The following RBM6 variants were observed in gnomAD, a reference collection of about 807,000 sequenced individuals.
The protein encoded by RBM6 is RNA-binding protein 6.
Under a neutral mutation model 140.4 loss-of-function variants are expected in RBM6, and 23 were observed. The ratio of observed to expected loss-of-function variants is 0.16; its 90% CI spans 0.12 to 0.23. The LOEUF is 0.23. Among genes scored for constraint, RBM6 ranks in the 10% least tolerant of loss-of-function variants. The pLI is 1.00. For synonymous variants in RBM6, 439 were observed against 475.6 expected, an observed-to-expected ratio of 0.92 and a Z score of 1.00; for missense variants, 1,139 against 1,386.7, an observed-to-expected ratio of 0.82 and a Z score of 2.84.
chr3:50,070,736 A>G (rs938976135), intron 19 of RBM6, among the ~76,000 whole-genome samples, 184 bp downstream of exon 19: 4 of 152,222 alleles, frequency 2.6e-5, no homozygotes, highest in South Asian at 2.1e-4. Flanking sequence ...GGGAGTGTAC[A>G]TGGAAGGTTG....
chr3:49,987,499 G>T (rs2085617352), intron 5 of RBM6, among the ~76,000 whole-genome samples: 1 of 151,670 alleles, frequency 6.6e-6, no homozygotes, highest in Non-Finnish European at 1.5e-5. Context: ...TGTAATTTTA[G>T]TAGAGACAGG....
intron 6 of RBM6, among the ~76,000 whole-genome samples, chr3:50,036,454 A>AC (rs1347174504): frequency 4.0e-5 from 6 of 151,710 alleles, no homozygotes; most frequent in Non-Finnish European, 1.5e-5. Flanking sequence ...CTTCTCCCTA[A>AC]CTCCTGGATT....
Position 49,975,410 on chromosome 3 carries a change from C to T in RBM6, c.1483+18C>T, listed in dbSNP as rs2085020171. ...TAACACAGGTGAGTTTCTTGACTTG[C>T]ATATGGCCTTGGGTTAGGAAGGGTC... is the stretch of plus-strand genomic sequence containing the variant. On this transcript the variant is annotated intron_variant, in intron 5 of 20. Transcript: ENST00000266022. 2 of 1,592,386 alleles carry T rather than the reference C, an allele frequency of 1.3e-6. No individual in the cohort carries two copies. Among genetic ancestry groups the T allele is most frequent in the South Asian group, 1.1e-5 (1 of 90,564 alleles).
chr3:50,026,678 G>A (rs931543314), intron 6 of RBM6, among the ~76,000 whole-genome samples: 5 of 151,332 alleles, frequency 3.3e-5, no homozygotes, highest in African/African-American at 1.2e-4. Flanking sequence ...TTGGGAGGCC[G>A]AGGCAGGCAG....
At chr3:49,971,994 C>A in intron 3 of RBM6, 65 bp from the exon 4 acceptor site, 2 of 1,233,876 alleles carry the variant, frequency 1.6e-6, no homozygotes, top group Non-Finnish European at 2.3e-6. Flanking sequence ...GGCTAAATTT[C>A]ATGTTGATTT....
At chr3:50,054,960 A>T (rs2089641801) in intron 8 of RBM6, among the ~76,000 whole-genome samples, 1 of 152,058 alleles carries the variant, frequency 6.6e-6, no homozygotes, top group African/African-American at 2.4e-5. Flanking sequence ...AGTAGCTGGG[A>T]CTATAGGCGC....
At chr3:50,018,229 TG>T (rs2087272817) in intron 6 of RBM6, among the ~76,000 whole-genome samples, 1 of 152,206 alleles carries the variant, frequency 6.6e-6, no homozygotes, top group African/African-American at 2.4e-5. Context: ...TTATTGTCCG[TG>T]TAGTTTTGCC....
chr3:49,970,138 G>A (rs1187491734), intron 3 of RBM6, among the ~76,000 whole-genome samples: 1 of 151,952 alleles, frequency 6.6e-6, no homozygotes, highest in East Asian at 1.9e-4. Context: ...ATGAAGTTTA[G>A]GCATGTTACC....
intron 6 of RBM6, among the ~76,000 whole-genome samples, chr3:50,032,921 G>A (rs1240495361): frequency 1.3e-5 from 2 of 151,876 alleles, no homozygotes; most frequent in Non-Finnish European, 2.9e-5. Context: ...GGAGGCAGAG[G>A]TTGCAGTGAG....
chr3:49,959,824 A>G (rs1388798532), intron 1 of RBM6, among the ~76,000 whole-genome samples: 1 of 150,852 alleles, frequency 6.6e-6, no homozygotes, highest in African/African-American at 2.4e-5. Context: ...CACACGCCTC[A>G]GCCTCCCAAA....
At chr3:50,046,345 C>T (rs1351832394) in intron 6 of RBM6, among the ~76,000 whole-genome samples, 1 of 151,182 alleles carries the variant, frequency 6.6e-6, no homozygotes, top group Non-Finnish European at 1.5e-5. Flanking sequence ...TTTGGGAGGC[C>T]GAGGTGGGCG....
At chr3:50,048,125 A>T in intron 6 of RBM6, 120 bp from the exon 7 acceptor site, 1 of 1,478,042 alleles carries the variant, frequency 6.8e-7, no homozygotes, top group South Asian at 1.4e-5. Flanking sequence ...TCACCAGTGA[A>T]TTAAGCTCAC....
chr3:50,070,308 T>C (rs2090260110), intron 18 of RBM6, 147 bp from the exon 19 acceptor site: 1 of 596,122 alleles, frequency 1.7e-6, no homozygotes, highest in African/African-American at 1.9e-5. Flanking sequence ...TGAGCTGAGA[T>C]CACGCCAGTG....
intron 20 of RBM6, among the ~76,000 whole-genome samples, chr3:50,076,108 A>T (rs1353362985): frequency 6.6e-6 from 1 of 151,790 alleles, no homozygotes; most frequent in African/African-American, 2.4e-5. Flanking sequence ...AGCTGGGATT[A>T]CAGGTGCATA....
intron 1 of RBM6, among the ~76,000 whole-genome samples, chr3:49,960,266 G>T (rs773886235): frequency 6.6e-6 from 1 of 152,198 alleles, no homozygotes; most frequent in East Asian, 1.9e-4. Flanking sequence ...TGCTGGAGAG[G>T]GGGTAGGGCA....
intron 17 of RBM6, among the ~76,000 whole-genome samples, chr3:50,067,928 C>T (rs2090171911): frequency 6.6e-6 from 1 of 152,216 alleles, no homozygotes; most frequent in Non-Finnish European, 1.5e-5. Context: ...AGATAGGACT[C>T]TGAAAAGCTC....
intron 8 of RBM6, 133 bp from the exon 9 acceptor site, chr3:50,057,595 A>AG (rs2089758245): frequency 1.4e-5 from 7 of 487,126 alleles, no homozygotes; most frequent in Non-Finnish European, 1.9e-5. Context: ...CTCAAAAAAA[A>AG]AAAAAAAAAA....
intron 5 of RBM6, among the ~76,000 whole-genome samples, chr3:49,998,869 A>G (rs758572450): frequency 2.0e-5 from 3 of 152,092 alleles, no homozygotes; most frequent in Non-Finnish European, 4.4e-5. Flanking sequence ...AAAAGAGGAG[A>G]CCTGAAATGG....
chr3:49,959,188 CTTTTTTTTTTT>C (rs35892482), intron 1 of RBM6, among the ~76,000 whole-genome samples: 1 of 124,950 alleles, frequency 8.0e-6, no homozygotes, highest in Non-Finnish European at 1.7e-5. Context: ...GATTTTTTTC[CTTTTTTTTTTT>C]TTTTTTTGAG....
Sources: allele counts gnomAD v4.1 joint callset (sites outside exome capture counted in the v4.1 genomes callset), GRCh38; gene constraint gnomAD v4.1.1; transcripts MANE v1.5; gene names NCBI Gene and HGNC (gene_info 2026-07-23, HGNC 2026-07-21).